Variants in SLC25A27 observed in about 807,000 individuals in gnomAD.
The protein encoded by SLC25A27 is solute carrier family 25 member 27.
SLC25A27 carries 35 observed loss-of-function variants against 49.1 expected under a neutral mutation model. That is an observed-to-expected ratio of 0.71 (90% confidence interval 0.54 to 0.95). SLC25A27 has a LOEUF of 0.95. SLC25A27 is among the 40% of genes least tolerant of loss of function. SLC25A27 has a pLI of 0.00. For missense variants in SLC25A27, 339 were observed against 397.1 expected (o/e 0.85, Z 1.24); for synonymous variants, 144 against 136.9 (o/e 1.05, Z -0.36).
At chr6:46,662,342 G>A (rs1321894353) in intron 3 of SLC25A27, 34 bp from the exon 4 acceptor site, 1 of 1,606,686 alleles carries the variant, frequency 6.2e-7, no homozygotes, top group Non-Finnish European at 8.5e-7. Context: ...TGAAATTAAT[G>A]GCAACTTTAA....
Position 46,653,107 on chromosome 6 carries a change from G to C in SLC25A27, c.-86G>C. 6.1e-6 allele frequency: 8 copies of C among 1,320,128 alleles called. No individual in the cohort carries two copies. In the East Asian group the frequency reaches 7.3e-5, roughly 12 times the overall value. The allele number at this position is 1,320,128 out of a possible 1,614,324, so 81.8% of individuals were successfully genotyped here. A position where few individuals can be genotyped will look rare whatever the true frequency, so the allele number is the denominator to read the frequency against. ...CCCGGCCACTCGCCGGTTGAAAAGG[G>C]GCCGCCCTGGCAGGGAAGCGGCCGC... On this transcript the variant is annotated 5_prime_UTR_variant, in exon 1 of 9. Coordinates refer to ENST00000371347, the MANE Select transcript of SLC25A27 (RefSeq NM_004277.5).
At chr6:46,671,023 C>T in intron 7 of SLC25A27, 103 bp from the exon 8 acceptor site, 1 of 807,370 alleles carries the variant, frequency 1.2e-6, no homozygotes, top group Non-Finnish European at 2.0e-6. Flanking sequence ...AGCCACCGCG[C>T]CCGGCCAATA....
At chr6:46,653,352 G>C in intron 1 of SLC25A27, 54 bp downstream of exon 1, 1 of 1,551,698 alleles carries the variant, frequency 6.4e-7, no homozygotes, top group South Asian at 1.2e-5. Flanking sequence ...CGCCGCGCTG[G>C]GGGAGGGTGC....
At chr6:46,653,512 TC>T (rs1417158558) in intron 1 of SLC25A27, 2 of 985,330 alleles carry the variant, frequency 2.0e-6, no homozygotes, top group African/African-American at 3.5e-5. Flanking sequence ...TTCTAATGCT[TC>T]CCTTAGGCAT....
At position 46,677,040 on chromosome 6, in the gene SLC25A27, A is replaced by G. The variant is rs963296177; in HGVS notation, c.*586A>G. ...AGGAAGGTGTACTTTTTCTTGTCAG[A>G]AAGATAAAAAAAATCAAGTTGAGAT... On this transcript the variant is annotated 3_prime_UTR_variant, in exon 9 of 9. Transcript: ENST00000371347. 9 of 220,792 alleles carry G rather than the reference A, an allele frequency of 4.1e-5. No homozygotes were observed. Among genetic ancestry groups the G allele is most frequent in the Non-Finnish European group, 6.2e-5 (7 of 112,006 alleles). 13.7% of individuals were successfully genotyped at this position (220,792 alleles called of 1,614,324 possible).
chr6:46,654,462 T>A (rs1762900206), intron 1 of SLC25A27, among the ~76,000 whole-genome samples: 1 of 152,182 alleles, frequency 6.6e-6, no homozygotes, highest in South Asian at 2.1e-4. Context: ...AAAAGCAGAT[T>A]GCTGAATGAT....
chr6:46,659,492 T>G (rs1231502539), intron 3 of SLC25A27, among the ~76,000 whole-genome samples: 2 of 152,156 alleles, frequency 1.3e-5, no homozygotes, highest in Non-Finnish European at 2.9e-5. Context: ...TGTATATTAT[T>G]TAACGGAAAC....
chr6:46,677,222 CAT>C lies in SLC25A27; in HGVS notation c.*770_*771del, dbSNP rs1016078028. ...AAAGAGAAGAGCATTTGCCTTGTTA[CAT>C]AGTCTGTTACAAGCCAGATATGTTG... On this transcript the variant is annotated 3_prime_UTR_variant, in exon 9 of 9. Transcript: ENST00000371347. 7 of 154,172 alleles carry C rather than the reference CAT, an allele frequency of 4.5e-5. No individual in the cohort carries two copies. The highest frequency in any genetic ancestry group is 1.0e-4 in the Non-Finnish European group (7 of 69,492). The allele number at this position is 154,172 out of a possible 1,614,324, so 9.6% of individuals were successfully genotyped here. A position where few individuals can be genotyped will look rare whatever the true frequency, so the allele number is the denominator to read the frequency against.
At chr6:46,669,591 C>T (rs980861951) in intron 6 of SLC25A27, among the ~76,000 whole-genome samples, 1 of 152,052 alleles carries the variant, frequency 6.6e-6, no homozygotes, top group Non-Finnish European at 1.5e-5. Flanking sequence ...TGTGTGCACG[C>T]GCATGCACAC....
intron 3 of SLC25A27, among the ~76,000 whole-genome samples, chr6:46,659,884 CAT>C (rs1003251179): frequency 4.0e-5 from 6 of 148,512 alleles, no homozygotes; most frequent in East Asian, 3.9e-4. Context: ...TAAAAAATTG[CAT>C]ATATATATAT....
intron 3 of SLC25A27, among the ~76,000 whole-genome samples, chr6:46,661,768 T>C (rs9296504): frequency 0.48 from 73,498 of 151,978 alleles, 17,875 homozygotes; most frequent in East Asian, 0.56. Flanking sequence ...GATATGAGAA[T>C]GAAATGGTAT....
chr6:46,659,796 A>G (rs1763104591), intron 3 of SLC25A27, among the ~76,000 whole-genome samples: 1 of 151,874 alleles, frequency 6.6e-6, no homozygotes. Context: ...TGGAGGTTGC[A>G]GTGAGCCGAG....
intron 8 of SLC25A27, among the ~76,000 whole-genome samples, chr6:46,673,952 G>C (rs1488536725): frequency 6.6e-6 from 1 of 152,120 alleles, no homozygotes; most frequent in Admixed American, 6.6e-5. Context: ...GGACATTTAT[G>C]GTTAACTCCA....
chr6:46,674,776 T>G (rs1763701345), intron 8 of SLC25A27, among the ~76,000 whole-genome samples: 1 of 152,166 alleles, frequency 6.6e-6, no homozygotes, highest in South Asian at 2.1e-4. Flanking sequence ...ATATGGGTAC[T>G]CAAGTAATAA....
At chr6:46,653,782 G>C in intron 1 of SLC25A27, 1 of 985,216 alleles carries the variant, frequency 1.0e-6, no homozygotes, top group East Asian at 1.1e-4. Flanking sequence ...ACCTCTTTGA[G>C]TGTAATTCAT....
chr6:46,666,050 C>T (rs916381523), intron 5 of SLC25A27, among the ~76,000 whole-genome samples: 2 of 152,062 alleles, frequency 1.3e-5, no homozygotes, highest in Non-Finnish European at 2.9e-5. Context: ...TGAAAGATTC[C>T]ACTGCCTGCA....
intron 2 of SLC25A27, among the ~76,000 whole-genome samples, chr6:46,657,028 T>C (rs1051429031): frequency 4.6e-5 from 7 of 152,124 alleles, no homozygotes; most frequent in Admixed American, 2.6e-4. Context: ...TAGCCAGGCC[T>C]GGTGGCACAT....
rs1012613399 is a variant in SLC25A27 at position 46,653,270 on chromosome 6, C to T, written c.78C>T (p.Ser26=). 3 of 1,613,102 alleles carry T rather than the reference C, an allele frequency of 1.9e-6. No individual in the cohort carries two copies. Among genetic ancestry groups the T allele is most frequent in the Non-Finnish European group, 2.5e-6 (3 of 1,179,608 alleles). ...RWPRASKFLL[S]GCAATVAELA... ...CCCGAGCGAGCAAATTCCTACTGTC[C>T]GGCTGCGCGGCTACCGTGGCCGAGC... is the stretch of plus-strand genomic sequence containing the variant. Residue 26 remains serine, a synonymous_variant, in exon 1 of 9, where the codon TCC becomes TCT. Coordinates refer to ENST00000371347, the MANE Select transcript of SLC25A27 (RefSeq NM_004277.5).
intron 1 of SLC25A27, 42 bp downstream of exon 1, chr6:46,653,340 CG>C: frequency 6.3e-7 from 1 of 1,578,774 alleles, no homozygotes; most frequent in Non-Finnish European, 8.6e-7. Flanking sequence ...GCCAGTGGCA[CG>C]CGCCGCGCTG....
Sources: gnomAD v4.1 joint callset for allele counts (sites outside exome capture counted in the v4.1 genomes callset) on GRCh38, gnomAD v4.1.1 for gene constraint, MANE v1.5 for transcripts, NCBI Gene and HGNC (gene_info 2026-07-23, HGNC 2026-07-21) for gene names.